Variants in MATN3 observed in about 807,000 individuals in gnomAD.
MATN3 encodes matrilin-3.
A neutral mutation model predicts 45.3 loss-of-function variants in MATN3; 48 were observed. The observed-to-expected ratio is 1.06, with a 90% CI of 0.84 to 1.35. The LOEUF (loss-of-function observed/expected upper bound fraction) is 1.35. MATN3 is among the 40% of genes most tolerant of loss of function. MATN3 has a pLI of 0.00. For missense variants in MATN3, 599 were observed against 628.0 expected (o/e 0.95, Z 0.49); for synonymous variants, 217 against 245.9 (o/e 0.88, Z 1.10).
Position 20,012,363 on chromosome 2 carries a change from T to G in MATN3, c.223+46A>C. 1.6e-6 allele frequency: 2 copies of G among 1,212,448 alleles called. No individual in the cohort carries two copies. The highest frequency in any genetic ancestry group is 2.1e-6 in the Non-Finnish European group (2 of 971,928). 75.1% of individuals were successfully genotyped at this position (1,212,448 alleles called of 1,614,324 possible). ...GCGCGCTTGGTGGATGCCCTGGGCT[T>G]CTCCTCGTTCGATGCTCACGCGTCC... is the stretch of plus-strand genomic sequence containing the variant. On this transcript the variant is annotated intron_variant, in intron 1 of 7. Transcript: ENST00000407540. This position sits in a 1 kb window ranked among gnomAD's most constrained non-coding sequence, Gnocchi z 4.3.
intron 1 of MATN3, 101 bp from the exon 2 acceptor site, chr2:20,006,411 C>G: frequency 1.1e-6 from 1 of 873,078 alleles, no homozygotes; most frequent in South Asian, 1.8e-5. Flanking sequence ...GGCAGCATCT[C>G]CTGACCCCAA....
chr2:19,993,065 A>G lies in MATN3; in HGVS notation c.*46T>C. 1 of 1,479,490 alleles carries G rather than the reference A, an allele frequency of 6.8e-7. No homozygotes were observed. The highest frequency in any genetic ancestry group is 9.5e-7 in the Non-Finnish European group (1 of 1,057,922). The allele number at this position is 1,479,490 out of a possible 1,614,324, so 91.6% of individuals were successfully genotyped here. ...GTGTGCAAAAGAATGCATGAGTATTAAGTACACCAAGCTGTCCACATTTTC... is the reference window on the plus strand; with the variant it reads ...GTGTGCAAAAGAATGCATGAGTATTGAGTACACCAAGCTGTCCACATTTTC... On this transcript the variant is annotated 3_prime_UTR_variant, in exon 8 of 8. Transcript: ENST00000407540.
intron 3 of MATN3, 102 bp downstream of exon 3, chr2:20,003,059 G>T: frequency 7.1e-7 from 1 of 1,400,844 alleles, no homozygotes; most frequent in Non-Finnish European, 9.8e-7. Flanking sequence ...AAGGCAGTTA[G>T]GTAAAAAGGG....
Position 20,005,990 on chromosome 2 carries a change from C to G in MATN3, c.544G>C (p.Glu182Gln), listed in dbSNP as rs1466644105. 1 of 1,613,998 alleles carries G rather than the reference C, an allele frequency of 6.2e-7. No homozygotes were observed. The highest frequency in any genetic ancestry group is 1.1e-5 in the South Asian group (1 of 91,084). The change falls in exon 2 of 8, where the codon GAG becomes CAG. Residue 182 changes from glutamate to glutamine, a missense_variant. By Grantham distance (29) the Glu-to-Gln change is conservative (BLOSUM62 2). Coordinates refer to ENST00000407540, the MANE Select transcript of MATN3 (RefSeq NM_002381.5). Reference protein sequence around the residue: ...EAFTVEAGAREPSSNIPKVAI... With the variant: ...EAFTVEAGARQPSSNIPKVAI... ...ACCTTAGGGATGTTAGAAGAGGGCT[C>G]TCGAGCCCCTGCCTCCACTGTGAAG...
intron 1 of MATN3, among the ~76,000 whole-genome samples, chr2:20,011,018 T>C (rs1306593139): frequency 6.6e-6 from 1 of 152,246 alleles, no homozygotes; most frequent in African/African-American, 2.4e-5. Context: ...TCCTAAAATG[T>C]TCCCATACTC....
At chr2:20,005,714 C>T in intron 2 of MATN3, 30 bp downstream of exon 2, 1 of 1,482,160 alleles carries the variant, frequency 6.7e-7, no homozygotes, top group Non-Finnish European at 9.2e-7. Flanking sequence ...AACATCCTTT[C>T]TAGTTGGAAG....
At chr2:20,007,372 T>C (rs1558375318) in intron 1 of MATN3, among the ~76,000 whole-genome samples, 1 of 148,974 alleles carries the variant, frequency 6.7e-6, no homozygotes, top group Non-Finnish European at 1.5e-5. Flanking sequence ...CTACTAAAAA[T>C]ACAAAAATTA....
chr2:20,012,308 G>A lies in MATN3; in HGVS notation c.223+101C>T, dbSNP rs1299751148. ...CATCCGGGAGGGGCCTCTTTCCCCC[G>A]CACCACGGTCGGCCTGAGGCCGGGA... On this transcript the variant is annotated intron_variant, in intron 1 of 7. Coordinates refer to ENST00000407540, the MANE Select transcript of MATN3 (RefSeq NM_002381.5). This position sits in a 1 kb window ranked among gnomAD's most constrained non-coding sequence, Gnocchi z 4.3. The A allele has an allele frequency of 6.5e-6, 6 of 916,666 alleles. No individual in the cohort carries two copies. Among genetic ancestry groups the A allele is most frequent in the Admixed American group, 4.4e-5 (1 of 22,980 alleles). 56.8% of individuals were successfully genotyped at this position (916,666 alleles called of 1,614,324 possible).
At chr2:19,997,112 G>C (rs1172225024) in intron 6 of MATN3, 22 bp downstream of exon 6, 3 of 1,611,428 alleles carry the variant, frequency 1.9e-6, no homozygotes, top group Non-Finnish European at 2.5e-6. Flanking sequence ...AAAGGAAATA[G>C]CCTTAAAGGG....
intron 3 of MATN3, among the ~76,000 whole-genome samples, chr2:20,002,918 T>C (rs1673014753): frequency 6.6e-6 from 1 of 152,226 alleles, no homozygotes; most frequent in Non-Finnish European, 1.5e-5. Flanking sequence ...TCTTTCTTAG[T>C]AGCCTTTTCT....
Position 20,006,031 on chromosome 2 carries a change from G to C in MATN3, c.503C>G (p.Thr168Arg). ...TGTMSGLAIQ[T>R]AMDEAFTVEA... ...CACTGTGAAGGCTTCGTCCATTGCT[G>C]TCTGGATGGCTAGGCCTGACATGGT... The change falls in exon 2 of 8, where the codon ACA becomes AGA. Residue 168 changes from threonine to arginine, a missense_variant. Physicochemically the swap from Thr to Arg is moderately conservative, Grantham distance 71. Coordinates refer to ENST00000407540, the MANE Select transcript of MATN3 (RefSeq NM_002381.5). The C allele has an allele frequency of 6.2e-7, 1 of 1,614,012 alleles. No homozygotes were observed. Among genetic ancestry groups the C allele is most frequent in the African/African-American group, 1.3e-5 (1 of 75,048 alleles).
chr2:20,000,694 G>T, intron 4 of MATN3, 128 bp from the exon 5 acceptor site: 3 of 882,892 alleles, frequency 3.4e-6, no homozygotes, highest in Non-Finnish European at 5.0e-6. Flanking sequence ...AAAGCCATTG[G>T]CACTGTTTTT....
rs57140153 is a variant in MATN3, at chr2:20,010,067, TAAAAAAAAA to T, written c.223+2333_223+2341del. 8.7e-5 allele frequency among the ~76,000 whole-genome samples: 6 copies of T among 68,706 alleles called. 1 individual carries two copies. Among genetic ancestry groups the T allele is most frequent in the Admixed American group, 3.7e-4 (2 of 5,438 alleles). The allele number at this position is 68,706 out of a possible 152,430, so 45.1% of individuals were successfully genotyped here. ...TCTCAGAATAAATCTCTTCAAATAC[TAAAAAAAAA>T]AAAAAAAAAAAAAACCTCCAGAATT... On this transcript the variant is annotated intron_variant, in intron 1 of 7. Transcript: ENST00000407540.
chr2:19,993,718 A>G (rs1431453993), intron 7 of MATN3, among the ~76,000 whole-genome samples: 1 of 152,224 alleles, frequency 6.6e-6, no homozygotes, highest in Non-Finnish European at 1.5e-5. Context: ...ACATACGCCT[A>G]GATTGTACCT....
intron 1 of MATN3, among the ~76,000 whole-genome samples, chr2:20,011,348 G>C (rs1302065412): frequency 1.3e-5 from 2 of 152,234 alleles, no homozygotes; most frequent in Non-Finnish European, 2.9e-5. Context: ...GCCACCAGCT[G>C]AATCTAGCCC....
Position 20,006,004 on chromosome 2 carries a change from T to C in MATN3, c.530A>G (p.Glu177Gly). 1 of 1,614,018 alleles carries C rather than the reference T, an allele frequency of 6.2e-7. No homozygotes were observed. Among genetic ancestry groups the C allele is most frequent in the Non-Finnish European group, 8.5e-7 (1 of 1,179,888 alleles). The change falls in exon 2 of 8, where the codon GAG (glutamate) becomes GGG (glycine). Residue 177 changes from glutamate (E) to glycine (G), a missense_variant. Glu to Gly is a moderately conservative substitution (Grantham distance 98). Transcript: ENST00000407540. ...QTAMDEAFTV[E>G]AGAREPSSNI... ...AGAAGAGGGCTCTCGAGCCCCTGCC[T>C]CCACTGTGAAGGCTTCGTCCATTGC...
chr2:20,008,617 A>C (rs1396744844), intron 1 of MATN3, among the ~76,000 whole-genome samples: 2 of 152,206 alleles, frequency 1.3e-5, no homozygotes, highest in African/African-American at 2.4e-5. Context: ...GTAACACTTT[A>C]GGAATCGCAA....
chr2:20,002,073 A>G lies in MATN3; in HGVS notation c.924T>C (p.Asp308=). The change falls in exon 4 of 8, where the codon GAT becomes GAC. Residue 308 remains aspartate (D), a synonymous_variant. Transcript: ENST00000407540. Reference sequence around the variant, plus strand: ...ATCCGTGGGTGTTAAGAGCACACCTATCAAGAGCTATCAAAAGATGATTGG... The same window carrying G: ...ATCCGTGGGTGTTAAGAGCACACCTGTCAAGAGCTATCAAAAGATGATTGG... ...NADKKTCSAL[D]RCALNTHGCE... The G allele has an allele frequency of 6.2e-7, 1 of 1,612,288 alleles. No individual in the cohort carries two copies. Among genetic ancestry groups the G allele is most frequent in the Non-Finnish European group, 8.5e-7 (1 of 1,179,244 alleles).
chr2:19,998,636 A>G (rs1672925101), intron 5 of MATN3, among the ~76,000 whole-genome samples: 1 of 152,100 alleles, frequency 6.6e-6, no homozygotes, highest in Admixed American at 6.6e-5. Context: ...ATGTGCCTGT[A>G]GTCCTAGCTA....
Sources: allele counts gnomAD v4.1 joint callset (sites outside exome capture counted in the v4.1 genomes callset), GRCh38; gene constraint gnomAD v4.1.1; non-coding constraint Gnocchi (gnomAD v3.1); transcripts MANE v1.5; gene names NCBI Gene and HGNC (gene_info 2026-07-23, HGNC 2026-07-21).